CFLAR: variants seen among roughly 807,000 people sequenced by gnomAD.
The protein encoded by CFLAR is CASP8 and FADD like apoptosis regulator, also known as CASP8 and FADD-like apoptosis regulator.
A neutral mutation model predicts 51.1 loss-of-function variants in CFLAR; 14 were observed. That is an observed-to-expected ratio of 0.27 (90% CI 0.18 to 0.43). The LOEUF is 0.43. Among genes scored for constraint, CFLAR ranks in the 20% least tolerant of loss-of-function variants. CFLAR has a pLI of 1.00. For missense variants in CFLAR, 390 were observed against 566.5 expected (o/e 0.69, Z 3.16); for synonymous variants, 210 against 211.6 (o/e 0.99, Z 0.06).
At chr2:201,121,411 C>T (rs1277808786) in intron 1 of CFLAR, among the ~76,000 whole-genome samples, 1 of 152,010 alleles carries the variant, frequency 6.6e-6, no homozygotes, top group Non-Finnish European at 1.5e-5. Context: ...TGGGCCATCA[C>T]CAGGAATGTA....
chr2:201,155,892 TG>T (rs1460325955), intron 8 of CFLAR, among the ~76,000 whole-genome samples: 4 of 152,204 alleles, frequency 2.6e-5, no homozygotes, highest in Admixed American at 6.5e-5. Flanking sequence ...CCTGAGTGGC[TG>T]GGACTACAGG....
Position 201,138,206 on chromosome 2 carries a change from A to G in CFLAR, c.523+2099A>G, listed in dbSNP as rs1407325879. 1.0e-6 allele frequency: 1 copy of G among 989,874 alleles called. No individual in the cohort carries two copies. The highest frequency in any genetic ancestry group is 1.6e-5 in the African/African-American group (1 of 63,046). 61.3% of individuals were successfully genotyped at this position (989,874 alleles called of 1,614,324 possible). ...TTACTTTTGTTTGATGTAATGCACCATGGCGATCTGATACACCGAGTTCCC... is the reference window on the plus strand; with the variant it reads ...TTACTTTTGTTTGATGTAATGCACCGTGGCGATCTGATACACCGAGTTCCC... On this transcript the variant is annotated intron_variant, in intron 4 of 9. Coordinates refer to ENST00000309955, the MANE Select transcript of CFLAR (RefSeq NM_003879.7). This position sits in a 1 kb window ranked among gnomAD's most constrained non-coding sequence, Gnocchi z 4.0.
intron 1 of CFLAR, among the ~76,000 whole-genome samples, chr2:201,128,956 G>GT (rs2048965218): frequency 6.6e-6 from 1 of 152,168 alleles, no homozygotes; most frequent in African/African-American, 2.4e-5. Flanking sequence ...CAGATCCTCT[G>GT]TAACTTCCAG....
chr2:201,159,784 T>A (rs965318671), intron 8 of CFLAR, among the ~76,000 whole-genome samples: 1 of 152,238 alleles, frequency 6.6e-6, no homozygotes, highest in Non-Finnish European at 1.5e-5. Context: ...TTTAATTATA[T>A]CTTCACAGTT....
Position 201,168,258 on chromosome 2 carries a change from A to G in CFLAR, c.*4285A>G, listed in dbSNP as rs1488814058. On this transcript the variant is annotated 3_prime_UTR_variant, in exon 10 of 10. Coordinates refer to ENST00000309955, the MANE Select transcript of CFLAR (RefSeq NM_003879.7). ...CTCTGTCTCAAAAATAAATAAATAA[A>G]TAAATAATAAATAAAATGTTTGGAA... 2 of 152,146 alleles carry G rather than the reference A, an allele frequency of 1.3e-5. No homozygotes were observed. Among genetic ancestry groups the G allele is most frequent in the African/African-American group, 2.4e-5 (1 of 41,438 alleles). The allele number at this position is 152,146 out of a possible 1,614,324, so 9.4% of individuals were successfully genotyped here. A position where few individuals can be genotyped will look rare whatever the true frequency, so the allele number is the denominator to read the frequency against.
chr2:201,141,292 G>A, intron 5 of CFLAR: 1 of 1,472,698 alleles, frequency 6.8e-7, no homozygotes, highest in Admixed American at 2.5e-5. Flanking sequence ...CCTAAAGGCA[G>A]CTGTTGTGAA....
intron 8 of CFLAR, among the ~76,000 whole-genome samples, chr2:201,155,880 C>A (rs1575892498): frequency 6.6e-6 from 1 of 152,156 alleles, no homozygotes; most frequent in Non-Finnish European, 1.5e-5. Context: ...CCACTTCAGC[C>A]TCCTGAGTGG....
intron 7 of CFLAR, 39 bp downstream of exon 7, chr2:201,149,091 T>C (rs1395300543): frequency 7.4e-7 from 1 of 1,342,324 alleles, no homozygotes; most frequent in African/African-American, 1.4e-5. Flanking sequence ...TATATGTACA[T>C]AGCTGTGGAT....
chr2:201,151,034 C>T (rs1372795098), intron 8 of CFLAR: 2 of 152,138 alleles, frequency 1.3e-5, no homozygotes, highest in Admixed American at 1.3e-4. Flanking sequence ...CATCATTTCA[C>T]CTAGATAGAC....
intron 2 of CFLAR, among the ~76,000 whole-genome samples, chr2:201,130,866 T>G (rs1232040240): frequency 6.6e-6 from 1 of 152,194 alleles, no homozygotes; most frequent in Non-Finnish European, 1.5e-5. Flanking sequence ...CTTGATAATT[T>G]GTGGTACAAA....
At chr2:201,129,569 CTACCAAGGATCCCTTTCTTTAGACTTCTA>C (rs2049041285) in intron 1 of CFLAR, 131 bp from the exon 2 acceptor site, 2 of 424,708 alleles carry the variant, frequency 4.7e-6, no homozygotes, top group African/African-American at 4.0e-5. Context: ...TTGGTTCTGT[CTACCAAGGATCCCTTTCTTTAGACTTCTA>C]TAGATCCCTT....
Position 201,165,781 on chromosome 2 carries a change from C to T in CFLAR, c.*1808C>T, listed in dbSNP as rs1943482630. 1.2e-5 allele frequency: 2 copies of T among 160,182 alleles called. No homozygotes were observed. Among genetic ancestry groups the T allele is most frequent in the African/African-American group, 4.8e-5 (2 of 41,474 alleles). 9.9% of individuals were successfully genotyped at this position (160,182 alleles called of 1,614,324 possible). ...ACTTGAGATTAGGGAGTGGTGATGA[C>T]TCTTAAGGAGCATGCTGCCTTCAAG... On this transcript the variant is annotated 3_prime_UTR_variant, in exon 10 of 10. Coordinates refer to ENST00000309955, the MANE Select transcript of CFLAR (RefSeq NM_003879.7).
chr2:201,119,423 G>A (rs1011491928), intron 1 of CFLAR, among the ~76,000 whole-genome samples: 1 of 152,126 alleles, frequency 6.6e-6, no homozygotes, highest in African/African-American at 2.4e-5. Context: ...GCCATGGTGG[G>A]GCAGTTATGA....
At chr2:201,146,144 ATCTTT>A (rs1349668785) in intron 6 of CFLAR, among the ~76,000 whole-genome samples, 3 of 145,942 alleles carry the variant, frequency 2.1e-5, no homozygotes, top group Non-Finnish European at 3.0e-5. Context: ...TTTTTTTCTT[ATCTTT>A]TCTTTTCTTT....
At chr2:201,117,750 CTTT>C (rs1174973596) in intron 1 of CFLAR, among the ~76,000 whole-genome samples, 12 of 113,862 alleles carry the variant, frequency 1.1e-4, no homozygotes, top group Middle Eastern at 4.5e-3. Context: ...GCTCCAAGAT[CTTT>C]TTTTTTTTTT....
At chr2:201,137,712 T>G in intron 4 of CFLAR, 1 of 774,050 alleles carries the variant, frequency 1.3e-6, no homozygotes, top group Non-Finnish European at 2.4e-6. Context: ...AATGGACCCT[T>G]TGTCCTGGAT....
intron 6 of CFLAR, chr2:201,145,714 C>T (rs1165662347): frequency 8.9e-6 from 3 of 338,442 alleles, no homozygotes; most frequent in Non-Finnish European, 1.6e-5. Flanking sequence ...GAGCTCTAAT[C>T]AGGCCATGTT....
At chr2:201,139,997 C>A in intron 4 of CFLAR, 1 of 294,128 alleles carries the variant, frequency 3.4e-6, no homozygotes, top group Non-Finnish European at 6.9e-6. Flanking sequence ...GACCACGTAG[C>A]CGGTGCTGCT....
Position 201,165,587 on chromosome 2 carries a change from A to T in CFLAR, c.*1614A>T, listed in dbSNP as rs187249166. ...GCACCTGGCCTATTATTATTTTTAA[A>T]TTTTTTTTTTTTAATTGATCATTCT... On this transcript the variant is annotated 3_prime_UTR_variant, in exon 10 of 10. Coordinates refer to ENST00000309955, the MANE Select transcript of CFLAR (RefSeq NM_003879.7). 658 of 150,458 alleles carry T rather than the reference A, an allele frequency of 4.4e-3. 6 individuals carry two copies. The highest frequency in any genetic ancestry group is 0.012 in the African/African-American group (479 of 40,604). The allele number at this position is 150,458 out of a possible 1,614,324, so 9.3% of individuals were successfully genotyped here.
Sources: allele counts gnomAD v4.1 joint callset (sites outside exome capture counted in the v4.1 genomes callset), GRCh38; gene constraint gnomAD v4.1.1; non-coding constraint Gnocchi (gnomAD v3.1); transcripts MANE v1.5; gene names NCBI Gene and HGNC (gene_info 2026-07-23, HGNC 2026-07-21).